The following ASPH variants were observed in gnomAD, a reference collection of about 807,000 sequenced individuals.
The protein encoded by ASPH is aspartate beta-hydroxylase.
A neutral mutation model predicts 118.4 loss-of-function variants in ASPH; 100 were observed. The observed-to-expected ratio is 0.84, with a 90% CI of 0.72 to 1.00. The LOEUF (loss-of-function observed/expected upper bound fraction) is 1.00, where lower values mean the gene tolerates loss of function less well. ASPH is among the 50% of genes least tolerant of loss of function. ASPH has a pLI of 0.00. For synonymous variants in ASPH, 315 were observed against 325.6 expected (o/e 0.97, Z 0.35); for missense variants, 920 against 919.5 (o/e 1.00, Z -0.01).
intron 1 of ASPH, among the ~76,000 whole-genome samples, chr8:61,696,140 G>C (rs1833877553): frequency 6.6e-6 from 1 of 152,162 alleles, no homozygotes; most frequent in African/African-American, 2.4e-5. Context: ...AGTGGGGCCA[G>C]GTAGGACAGG....
intron 21 of ASPH, among the ~76,000 whole-genome samples, chr8:61,528,935 A>T (rs909617501): frequency 1.3e-5 from 2 of 152,130 alleles, no homozygotes; most frequent in South Asian, 2.1e-4. Flanking sequence ...CTCAGTCCTA[A>T]CTAGTACTAC....
intron 21 of ASPH, among the ~76,000 whole-genome samples, chr8:61,541,471 T>C (rs961016114): frequency 1.3e-5 from 2 of 152,264 alleles, no homozygotes; most frequent in African/African-American, 4.8e-5. Flanking sequence ...CTACTAAATC[T>C]AGAGGGTTTC....
intron 14 of ASPH, among the ~76,000 whole-genome samples, chr8:61,598,748 A>G (rs1214946088): frequency 1.3e-5 from 2 of 152,250 alleles, no homozygotes; most frequent in African/African-American, 4.8e-5. Context: ...GTTAGGCCAC[A>G]GAACATGTCT....
chr8:61,708,059 G>T (rs1396096179), intron 1 of ASPH, among the ~76,000 whole-genome samples: 1 of 152,098 alleles, frequency 6.6e-6, no homozygotes, highest in Middle Eastern at 3.2e-3. Flanking sequence ...TTTAACAATG[G>T]TTAGGAAGGA....
intron 1 of ASPH, among the ~76,000 whole-genome samples, chr8:61,685,135 T>C (rs965270090): frequency 6.6e-6 from 1 of 152,140 alleles, no homozygotes; most frequent in Admixed American, 6.5e-5. Context: ...CACGGTGTCC[T>C]GCCACTATTT....
intron 24 of ASPH, among the ~76,000 whole-genome samples, chr8:61,503,738 C>T (rs983944822): frequency 6.6e-6 from 1 of 152,208 alleles, no homozygotes; most frequent in African/African-American, 2.4e-5. Context: ...GATGTACAAA[C>T]AACAGAGGAT....
At chr8:61,702,703 G>A (rs1835557302) in intron 1 of ASPH, among the ~76,000 whole-genome samples, 1 of 152,082 alleles carries the variant, frequency 6.6e-6, no homozygotes, top group Admixed American at 6.6e-5. Context: ...AGAAAATGTC[G>A]GGTCAGTTTT....
At chr8:61,525,949 G>A in intron 22 of ASPH, 28 bp downstream of exon 22, 1 of 1,612,838 alleles carries the variant, frequency 6.2e-7, no homozygotes, top group Non-Finnish European at 8.5e-7. Context: ...TTGGGCTGCA[G>A]AGAACCATCT....
At chr8:61,536,491 T>TA (rs1819661570) in intron 21 of ASPH, among the ~76,000 whole-genome samples, 1 of 152,142 alleles carries the variant, frequency 6.6e-6, no homozygotes, top group African/African-American at 2.4e-5. Flanking sequence ...AGGAAAGCTT[T>TA]ATAATAGGAA....
chr8:61,563,621 T>C (rs1349071251), intron 17 of ASPH, among the ~76,000 whole-genome samples: 1 of 152,190 alleles, frequency 6.6e-6, no homozygotes, highest in African/African-American at 2.4e-5. Flanking sequence ...AGCAGCTGTA[T>C]ATTCCACTGC....
intron 1 of ASPH, among the ~76,000 whole-genome samples, chr8:61,708,056 A>G (rs1428100463): frequency 6.6e-6 from 1 of 152,196 alleles, no homozygotes; most frequent in African/African-American, 2.4e-5. Flanking sequence ...ATGTTTAACA[A>G]TGGTTAGGAA....
chr8:61,613,418 C>T (rs925547450), intron 14 of ASPH, among the ~76,000 whole-genome samples: 1 of 152,192 alleles, frequency 6.6e-6, no homozygotes, highest in South Asian at 2.1e-4. Context: ...TATCTATACA[C>T]ATACACCATC....
chr8:61,620,559 T>G (rs899723007), intron 13 of ASPH, among the ~76,000 whole-genome samples: 1 of 152,146 alleles, frequency 6.6e-6, no homozygotes, highest in Non-Finnish European at 1.5e-5. Flanking sequence ...TATAGCCTCC[T>G]TATTATAAAG....
chr8:61,668,122 A>C (rs753692404), intron 3 of ASPH: 2 of 1,091,856 alleles, frequency 1.8e-6, no homozygotes, highest in Non-Finnish European at 2.6e-6. Flanking sequence ...AGCAAGACCC[A>C]AAAGCAATAG....
At chr8:61,521,954 GA>G (rs1229396624) in intron 22 of ASPH, among the ~76,000 whole-genome samples, 1 of 152,026 alleles carries the variant, frequency 6.6e-6, no homozygotes, top group Non-Finnish European at 1.5e-5. Flanking sequence ...ACACTGCGTT[GA>G]GAAGGACTTA....
chr8:61,549,946 T>TGTGG (rs1825297860), intron 20 of ASPH, among the ~76,000 whole-genome samples: 1 of 152,194 alleles, frequency 6.6e-6, no homozygotes, highest in Non-Finnish European at 1.5e-5. Flanking sequence ...ACATGCTAGA[T>TGTGG]GTCTGGGCAA....
At chr8:61,684,644 G>A (rs1378803122) in intron 1 of ASPH, 1 of 153,444 alleles carries the variant, frequency 6.5e-6, no homozygotes, top group Non-Finnish European at 1.5e-5. Flanking sequence ...TTCTTAGCCA[G>A]AGAGAAAAGG....
intron 19 of ASPH, among the ~76,000 whole-genome samples, chr8:61,553,463 C>T (rs1826727050): frequency 6.6e-6 from 1 of 152,168 alleles, no homozygotes; most frequent in Non-Finnish European, 1.5e-5. Flanking sequence ...TTTTGCTCTC[C>T]AAATCTGACC....
At chr8:61,645,088 T>C (rs1807241936) in intron 6 of ASPH, among the ~76,000 whole-genome samples, 1 of 152,230 alleles carries the variant, frequency 6.6e-6, no homozygotes, top group Non-Finnish European at 1.5e-5. Flanking sequence ...TGTTGAACAC[T>C]TAACCCATAC....
Sources: allele counts gnomAD v4.1 joint callset (sites outside exome capture counted in the v4.1 genomes callset), GRCh38; gene constraint gnomAD v4.1.1; transcripts MANE v1.5; gene names NCBI Gene and HGNC (gene_info 2026-07-23, HGNC 2026-07-21).